SLC45A3: variants seen among roughly 807,000 people sequenced by gnomAD.
SLC45A3 encodes the protein prostate cancer associated protein 2.
A neutral mutation model predicts 35.3 loss-of-function variants in SLC45A3; 17 were observed. The observed-to-expected ratio is 0.48, with a 90% CI of 0.33 to 0.72. The LOEUF (loss-of-function observed/expected upper bound fraction) is 0.72, where lower values mean the gene tolerates loss of function less well. SLC45A3 is among the 30% of genes least tolerant of loss of function. SLC45A3 has a pLI of 0.02. For missense variants in SLC45A3, 597 were observed against 731.7 expected, an observed-to-expected ratio of 0.82 and a Z score of 2.12; for synonymous variants, 288 against 334.3, an observed-to-expected ratio of 0.86 and a Z score of 1.51.
intron 1 of SLC45A3, among the ~76,000 whole-genome samples, chr1:205,672,480 G>C (rs1349743061): frequency 6.6e-6 from 1 of 152,220 alleles, no homozygotes; most frequent in Non-Finnish European, 1.5e-5. Flanking sequence ...GAGGCGTCTA[G>C]CGTGTGCCAG....
At position 205,662,622 on chromosome 1, in the gene SLC45A3, A is replaced by G; in HGVS notation, c.958+211T>C. 1.5e-6 allele frequency: 2 copies of G among 1,361,794 alleles called. No homozygotes were observed. Among genetic ancestry groups the G allele is most frequent in the African/African-American group, 2.9e-5 (2 of 68,316 alleles). The allele number at this position is 1,361,794 out of a possible 1,614,324, so 84.4% of individuals were successfully genotyped here. A position where few individuals can be genotyped will look rare whatever the true frequency, so the allele number is the denominator to read the frequency against. ...TCAAACTGGGGCAACGACTCTGATCAGACTCCTAGAGCAGCCAGAGGCCTT... is the reference window on the plus strand; with the variant it reads ...TCAAACTGGGGCAACGACTCTGATCGGACTCCTAGAGCAGCCAGAGGCCTT... On this transcript the variant is annotated intron_variant, in intron 3 of 4. Coordinates refer to ENST00000367145, the MANE Select transcript of SLC45A3 (RefSeq NM_033102.3). The surrounding 1 kb of genome is among the most constrained non-coding windows in gnomAD (Gnocchi z 6.2).
Position 205,669,281 on chromosome 1 carries a change from G to A in SLC45A3, c.-230-4395C>T, listed in dbSNP as rs1671166772. Among the ~76,000 whole-genome samples, 1 of 152,176 alleles carries A rather than the reference G, an allele frequency of 6.6e-6. No homozygotes were observed. Among genetic ancestry groups the A allele is most frequent in the Non-Finnish European group, 1.5e-5 (1 of 68,032 alleles). On this transcript the variant is annotated intron_variant, in intron 1 of 4. Transcript: ENST00000367145. This position sits in a 1 kb window ranked among gnomAD's most constrained non-coding sequence, Gnocchi z 4.1. ...ACCAGACCCCAAAAAGGGAGTTTTGGGGGAAATGAAACTGAGCAACAGGAA... is the reference window on the plus strand; with the variant it reads ...ACCAGACCCCAAAAAGGGAGTTTTGAGGGAAATGAAACTGAGCAACAGGAA...
intron 1 of SLC45A3, among the ~76,000 whole-genome samples, chr1:205,678,401 A>G (rs1022320457): frequency 1.3e-5 from 2 of 152,118 alleles, no homozygotes; most frequent in African/African-American, 4.8e-5. Flanking sequence ...TAGTACTTAA[A>G]GTCTTCAAGT....
At chr1:205,671,082 A>G (rs1369535039) in intron 1 of SLC45A3, among the ~76,000 whole-genome samples, 1 of 152,220 alleles carries the variant, frequency 6.6e-6, no homozygotes, top group Non-Finnish European at 1.5e-5. Flanking sequence ...ACAGAGGGGC[A>G]GTCCCTGGAG....
chr1:205,672,020 A>T (rs1671225852), intron 1 of SLC45A3, among the ~76,000 whole-genome samples: 1 of 152,198 alleles, frequency 6.6e-6, no homozygotes, highest in Non-Finnish European at 1.5e-5. Context: ...TACCCATTTT[A>T]CAGGCACAGA....
Position 205,658,466 on chromosome 1 carries a change from C to A in SLC45A3, c.*768G>T, listed in dbSNP as rs894209840. 1 of 233,264 alleles carries A rather than the reference C, an allele frequency of 4.3e-6. No individual in the cohort carries two copies. Among genetic ancestry groups the A allele is most frequent in the Non-Finnish European group, 8.5e-6 (1 of 118,020 alleles). The allele number at this position is 233,264 out of a possible 1,614,324, so 14.4% of individuals were successfully genotyped here. A position where few individuals can be genotyped will look rare whatever the true frequency, so the allele number is the denominator to read the frequency against. On this transcript the variant is annotated 3_prime_UTR_variant, in exon 5 of 5. Transcript: ENST00000367145. The stretch of plus-strand genomic sequence containing the variant: ...AATGATCAGCCCAATGACCAGCTAT[C>A]TCAGGGGACCTGATTGTTGGGGATC...
In SLC45A3 at chr1:205,669,559, G is replaced by A. The variant is rs1041374785; in HGVS notation, c.-230-4673C>T. Among the ~76,000 whole-genome samples, 1 of 151,986 alleles carries A rather than the reference G, an allele frequency of 6.6e-6. No homozygotes were observed. Among genetic ancestry groups the A allele is most frequent in the South Asian group, 2.1e-4 (1 of 4,822 alleles). On this transcript the variant is annotated intron_variant, in intron 1 of 4. Coordinates refer to ENST00000367145, the MANE Select transcript of SLC45A3 (RefSeq NM_033102.3). The surrounding 1 kb of genome is among the most constrained non-coding windows in gnomAD (Gnocchi z 4.1). The stretch of plus-strand genomic sequence containing the variant: ...CCAGGCTGGGGGCAGCCCCCACCCC[G>A]GGCCTGTGTCATGCAGCAATTCTAA...
chr1:205,674,590 T>C (rs1473787221), intron 1 of SLC45A3, among the ~76,000 whole-genome samples: 30 of 109,922 alleles, frequency 2.7e-4, no homozygotes, highest in African/African-American at 1.1e-3. Context: ...CCATCCAAAA[T>C]TGATGCTGTT....
At chr1:205,668,838 C>T (rs16856135) in intron 1 of SLC45A3, among the ~76,000 whole-genome samples, 10,658 of 152,166 alleles carry the variant, frequency 0.07, 416 homozygotes, top group East Asian at 0.14. Context: ...AAACCTAAGG[C>T]CTCTGGGAAC....
In SLC45A3 at chr1:205,658,613, A is replaced by G; in HGVS notation, c.*621T>C. The G allele has an allele frequency of 8.6e-6, 2 of 233,450 alleles. No homozygotes were observed. The highest frequency in any genetic ancestry group is 1.2e-4 in the East Asian group (2 of 16,542). 14.5% of individuals were successfully genotyped at this position (233,450 alleles called of 1,614,324 possible). ...GTGTCTCTGTGATGGCAACAGAAGG[A>G]CCAACAGGCCACATCCTGATAAAAG... On this transcript the variant is annotated 3_prime_UTR_variant, in exon 5 of 5. Coordinates refer to ENST00000367145, the MANE Select transcript of SLC45A3 (RefSeq NM_033102.3).
At chr1:205,677,818 T>C (rs1256850457) in intron 1 of SLC45A3, among the ~76,000 whole-genome samples, 1 of 152,270 alleles carries the variant, frequency 6.6e-6, no homozygotes, top group East Asian at 1.9e-4. Context: ...GTATTCTATA[T>C]ACAATATTTA....
In SLC45A3 at chr1:205,662,850, C is replaced by T. The variant is rs1437638168; in HGVS notation, c.941G>A (p.Arg314Gln). The T allele has an allele frequency of 1.1e-5, 18 of 1,598,354 alleles. No individual in the cohort carries two copies. Among genetic ancestry groups the T allele is most frequent in the East Asian group, 2.2e-5 (1 of 44,548 alleles). ...VPRAEPGTEA[R>Q]RHYDEGVRMG... Reference sequence around the variant, plus strand: ...GGCCTTACCTTCATCATAGTGTCTCCGGGCCTCGGTGCCCGGCTCAGCTCT... The same window carrying T: ...GGCCTTACCTTCATCATAGTGTCTCTGGGCCTCGGTGCCCGGCTCAGCTCT... The change falls in exon 3 of 5, where the codon CGG becomes CAG. Residue 314 changes from arginine to glutamine, a missense_variant. Arg to Gln is a conservative substitution (Grantham distance 43, BLOSUM62 1). Transcript: ENST00000367145. This position sits in a 1 kb window ranked among gnomAD's most constrained non-coding sequence, Gnocchi z 6.2.
At chr1:205,675,476 C>T (rs1671295749) in intron 1 of SLC45A3, among the ~76,000 whole-genome samples, 1 of 152,102 alleles carries the variant, frequency 6.6e-6, no homozygotes, top group East Asian at 1.9e-4. Context: ...GCCCCAACAG[C>T]AGAAAAGGGT....
At position 205,659,046 on chromosome 1, in the gene SLC45A3, GGA is replaced by G. The variant is rs1670970098; in HGVS notation, c.*186_*187del. The G allele has an allele frequency of 4.8e-6, 3 of 625,226 alleles. No individual in the cohort carries two copies. In the South Asian group the frequency reaches 6.0e-5, roughly 13 times the overall value. 38.7% of individuals were successfully genotyped at this position (625,226 alleles called of 1,614,324 possible). A position where few individuals can be genotyped will look rare whatever the true frequency, so the allele number is the denominator to read the frequency against. ...GGCAGCCCTAGAGACTGGGGAGAGAGGAGAGGGACGCCCCAGCCCCCAGCTGT... is the reference window on the plus strand; with the variant it reads ...GGCAGCCCTAGAGACTGGGGAGAGAGGAGGGACGCCCCAGCCCCCAGCTGT... On this transcript the variant is annotated 3_prime_UTR_variant, in exon 5 of 5. Coordinates refer to ENST00000367145, the MANE Select transcript of SLC45A3 (RefSeq NM_033102.3). This position sits in a 1 kb window ranked among gnomAD's most constrained non-coding sequence, Gnocchi z 5.8.
Position 205,658,619 on chromosome 1 carries a change from A to G in SLC45A3, c.*615T>C, listed in dbSNP as rs1670962787. ...CTGTGATGGCAACAGAAGGACCAAC[A>G]GGCCACATCCTGATAAAAGGTAAGA... is the stretch of plus-strand genomic sequence containing the variant. On this transcript the variant is annotated 3_prime_UTR_variant, in exon 5 of 5. Transcript: ENST00000367145. 1 of 233,288 alleles carries G rather than the reference A, an allele frequency of 4.3e-6. No homozygotes were observed. Among genetic ancestry groups the G allele is most frequent in the African/African-American group, 2.2e-5 (1 of 45,336 alleles). 14.5% of individuals were successfully genotyped at this position (233,288 alleles called of 1,614,324 possible).
intron 1 of SLC45A3, among the ~76,000 whole-genome samples, chr1:205,680,054 G>GCCCGGCCCGT (rs1354202952): frequency 6.7e-6 from 1 of 150,074 alleles, no homozygotes. Context: ...GTCCGGCCCG[G>GCCCGGCCCGT]CCCGGGGCTC....
rs138420460 is a variant in SLC45A3 at position 205,664,178 on chromosome 1, G to C, written c.172+307C>G. Reference sequence around the variant, plus strand: ...GGATCACCTCAAATGGTGGTTGTAAGCATTAAATGAGATAATCGCTATAAA... The same window carrying C: ...GGATCACCTCAAATGGTGGTTGTAACCATTAAATGAGATAATCGCTATAAA... On this transcript the variant is annotated intron_variant, in intron 2 of 4. Coordinates refer to ENST00000367145, the MANE Select transcript of SLC45A3 (RefSeq NM_033102.3). The surrounding 1 kb of genome is among the most constrained non-coding windows in gnomAD (Gnocchi z 5.3). 3.2e-4 allele frequency among the ~76,000 whole-genome samples: 49 copies of C among 152,010 alleles called. No homozygotes were observed. In the East Asian group the frequency reaches 9.3e-3, roughly 29 times the overall value.
At position 205,659,444 on chromosome 1, in the gene SLC45A3, C is replaced by T. The variant is rs368927767; in HGVS notation, c.1452G>A (p.Pro484=). ...CGAGGTCCAGGCAGATGCCCCGGCCCGGAACCACCCTGGCCTCGGTGGGCT... is the reference window on the plus strand; with the variant it reads ...CGAGGTCCAGGCAGATGCCCCGGCCTGGAACCACCCTGGCCTCGGTGGGCT... The part of the protein sequence containing the change: ...VGEPTEARVV[P]GRGICLDLAI... Residue 484 remains proline, a synonymous_variant, in exon 5 of 5, where the codon CCG becomes CCA. Transcript: ENST00000367145. This position sits in a 1 kb window ranked among gnomAD's most constrained non-coding sequence, Gnocchi z 5.8. 5.1e-5 allele frequency: 83 copies of T among 1,613,920 alleles called. No individual in the cohort carries two copies. The highest frequency in any genetic ancestry group is 6.4e-5 in the Non-Finnish European group (75 of 1,179,990).
chr1:205,665,372 C>A (rs189771876), intron 1 of SLC45A3, among the ~76,000 whole-genome samples: 14 of 152,250 alleles, frequency 9.2e-5, no homozygotes, highest in Non-Finnish European at 1.6e-4. Flanking sequence ...CCACACTGCA[C>A]CACAACCCCT....
Sources: allele counts gnomAD v4.1 joint callset (sites outside exome capture counted in the v4.1 genomes callset), GRCh38; gene constraint gnomAD v4.1.1; non-coding constraint Gnocchi (gnomAD v3.1); transcripts MANE v1.5; gene names NCBI Gene and HGNC (gene_info 2026-07-23, HGNC 2026-07-21).